POU6F1: variants seen among roughly 807,000 people sequenced by gnomAD.
POU6F1 encodes POU class 6 homeobox 1.
Under a neutral mutation model 28.9 loss-of-function variants are expected in POU6F1, and 9 were observed. The ratio of observed to expected loss-of-function variants is 0.31; its 90% CI spans 0.19 to 0.54. POU6F1 has a LOEUF of 0.54. Among genes scored for constraint, POU6F1 ranks in the 20% least tolerant of loss-of-function variants. The pLI, the probability that POU6F1 is intolerant of heterozygous loss-of-function variation, is 0.94. For synonymous variants in POU6F1, 173 were observed against 171.1 expected (o/e 1.01, Z -0.09); for missense variants, 338 against 426.1 (o/e 0.79, Z 1.82).
At chr12:51,204,744 C>T (rs1402415454) in intron 2 of POU6F1, among the ~76,000 whole-genome samples, 1 of 152,128 alleles carries the variant, frequency 6.6e-6, no homozygotes, top group African/African-American at 2.4e-5. Flanking sequence ...CTAGGATCTT[C>T]GAACGTGGGT....
intron 1 of POU6F1, among the ~76,000 whole-genome samples, chr12:51,210,380 A>G (rs1465856668): frequency 6.6e-6 from 1 of 152,238 alleles, no homozygotes; most frequent in Non-Finnish European, 1.5e-5. Flanking sequence ...ATAGCTTGAT[A>G]CATACATTTC....
chr12:51,212,776 CAAAAAAAAAAA>C (rs1176606531), intron 1 of POU6F1, among the ~76,000 whole-genome samples: 2 of 37,698 alleles, frequency 5.3e-5, no homozygotes, highest in Middle Eastern at 0.024. Flanking sequence ...AACTCCGTCT[CAAAAAAAAAAA>C]AAAAAAAAAA....
chr12:51,200,697 A>G (rs1943153913), intron 3 of POU6F1, among the ~76,000 whole-genome samples: 1 of 151,736 alleles, frequency 6.6e-6, no homozygotes, highest in Non-Finnish European at 1.5e-5. Context: ...TTTTAATTTA[A>G]TTTTTTTTGA....
intron 8 of POU6F1, among the ~76,000 whole-genome samples, chr12:51,193,856 A>C (rs1352431439): frequency 6.6e-6 from 1 of 152,214 alleles, no homozygotes; most frequent in East Asian, 1.9e-4. Context: ...GCTTTCTAGG[A>C]AGTACAGATT....
At chr12:51,208,439 T>C (rs1237384314) in intron 1 of POU6F1, among the ~76,000 whole-genome samples, 1 of 152,232 alleles carries the variant, frequency 6.6e-6, no homozygotes, top group Non-Finnish European at 1.5e-5. Flanking sequence ...GCTGTATTAC[T>C]CATGCCAACC....
rs747052350 is a variant in POU6F1 at position 51,190,487 on chromosome 12, G to T, written c.1596C>A (p.Asn532Lys). The change falls in exon 11 of 11, where the codon AAC (asparagine) becomes AAA (lysine). Residue 532 changes from asparagine to lysine, a missense_variant. Asn to Lys is a moderately conservative substitution (Grantham distance 94). This residue lies in a region of POU6F1 where 126 missense variants were observed against 176.5 expected (regional missense o/e 0.71). Coordinates refer to ENST00000333640, the MANE Select transcript of POU6F1 (RefSeq NM_001330422.2). The surrounding 1 kb of genome is among the most constrained non-coding windows in gnomAD (Gnocchi z 4.5). ...AELRNQEGQQ[N>K]LMEFVGGEPS... Reference sequence around the variant, plus strand: ...GCTCGCCTCCCACAAACTCCATCAGGTTCTGCTGGCCTTCCTGGTTCCGCA... The same window carrying T: ...GCTCGCCTCCCACAAACTCCATCAGTTTCTGCTGGCCTTCCTGGTTCCGCA... 1.2e-6 allele frequency: 2 copies of T among 1,614,154 alleles called. No individual in the cohort carries two copies. The highest frequency in any genetic ancestry group is 1.7e-6 in the Non-Finnish European group (2 of 1,180,022).
intron 1 of POU6F1, among the ~76,000 whole-genome samples, chr12:51,212,054 T>C (rs1432584421): frequency 2.0e-5 from 3 of 147,722 alleles, no homozygotes; most frequent in Admixed American, 7.0e-5. Context: ...TGAAATGCCT[T>C]GCCTTTCGTT....
intron 1 of POU6F1, among the ~76,000 whole-genome samples, chr12:51,210,412 T>C (rs560845491): frequency 6.6e-6 from 1 of 152,308 alleles, no homozygotes; most frequent in Non-Finnish European, 1.5e-5. Context: ...AATTTTCCAA[T>C]TCCAAAGGTC....
At chr12:51,196,250 C>T (rs1423927584) in intron 7 of POU6F1, 77 bp from the exon 8 acceptor site, 29 of 1,215,868 alleles carry the variant, frequency 2.4e-5, no homozygotes, top group Non-Finnish European at 3.1e-5. Context: ...CCCCACACCA[C>T]CAGGGGAACA....
At chr12:51,209,244 T>C (rs984863274) in intron 1 of POU6F1, among the ~76,000 whole-genome samples, 8 of 152,176 alleles carry the variant, frequency 5.3e-5, no homozygotes, top group African/African-American at 1.4e-4. Context: ...CCCAGAACAT[T>C]TTCATCAACC....
chr12:51,190,627 G>A lies in POU6F1; in HGVS notation c.1491-35C>T, dbSNP rs1418625783. The A allele has an allele frequency of 6.2e-7, 1 of 1,600,708 alleles. No individual in the cohort carries two copies. The highest frequency in any genetic ancestry group is 1.7e-5 in the Admixed American group (1 of 58,872). ...ACCCATACCCAGGAAGAGGCAGTGAGAGCATGTTGGTCTCTTTGGCACACC... is the reference window on the plus strand; with the variant it reads ...ACCCATACCCAGGAAGAGGCAGTGAAAGCATGTTGGTCTCTTTGGCACACC... On this transcript the variant is annotated intron_variant, in intron 10 of 10. Coordinates refer to ENST00000333640, the MANE Select transcript of POU6F1 (RefSeq NM_001330422.2). The surrounding 1 kb of genome is among the most constrained non-coding windows in gnomAD (Gnocchi z 4.5).
chr12:51,199,789 T>A lies in POU6F1; in HGVS notation c.324A>T (p.Ala108=). The part of the protein sequence containing the change: ...TFSQAPSQPQ[A]SQTLTPLAVQ... ...CAGCCAGTGGCGTCAGGGTCTGCGA[T>A]GCCTGAGGCTGGCTTGGGGCTTGGC... Residue 108 remains alanine (A), a synonymous_variant, in exon 4 of 11, where the codon GCA becomes GCT. Coordinates refer to ENST00000333640, the MANE Select transcript of POU6F1 (RefSeq NM_001330422.2). The surrounding 1 kb of genome is among the most constrained non-coding windows in gnomAD (Gnocchi z 4.1). 1 of 399,286 alleles carries A rather than the reference T, an allele frequency of 2.5e-6. No homozygotes were observed. Among genetic ancestry groups the A allele is most frequent in the Non-Finnish European group, 4.4e-6 (1 of 226,206 alleles). 24.7% of individuals were successfully genotyped at this position (399,286 alleles called of 1,614,324 possible). A position where few individuals can be genotyped will look rare whatever the true frequency, so the allele number is the denominator to read the frequency against.
chr12:51,190,167 G>C lies in POU6F1; in HGVS notation c.*80C>G. 6.5e-7 allele frequency: 1 copy of C among 1,535,744 alleles called. No homozygotes were observed. The highest frequency in any genetic ancestry group is 1.2e-5 in the South Asian group (1 of 80,576). ...CACAGCTGCACGTGGCAAAATGACA[G>C]GTGCTGTCATGGCAGTGGCTGCAGC... is the stretch of plus-strand genomic sequence containing the variant. On this transcript the variant is annotated 3_prime_UTR_variant, in exon 11 of 11. Transcript: ENST00000333640. The surrounding 1 kb of genome is among the most constrained non-coding windows in gnomAD (Gnocchi z 4.5).
chr12:51,188,734 G>C lies in POU6F1; in HGVS notation c.*1513C>G, dbSNP rs1942200004. The C allele has an allele frequency of 6.6e-6, 1 of 152,238 alleles. No homozygotes were observed. The highest frequency in any genetic ancestry group is 2.4e-5 in the African/African-American group (1 of 41,440). 9.4% of individuals were successfully genotyped at this position (152,238 alleles called of 1,614,324 possible). ...CCCCAGCTGACGGTCCTTCCCTCAG[G>C]GTGGATCATGGGAGGTCCACTGGAG... On this transcript the variant is annotated 3_prime_UTR_variant, in exon 11 of 11. Coordinates refer to ENST00000333640, the MANE Select transcript of POU6F1 (RefSeq NM_001330422.2).
At chr12:51,191,326 C>T (rs989517776) in intron 10 of POU6F1, among the ~76,000 whole-genome samples, 1 of 152,218 alleles carries the variant, frequency 6.6e-6, no homozygotes, top group African/African-American at 2.4e-5. Flanking sequence ...GCTAGAATTC[C>T]TCAGTGGATT....
Position 51,195,953 on chromosome 12 carries a change from C to G in POU6F1, c.1179+17G>C, listed in dbSNP as rs199722515. The G allele has an allele frequency of 4.2e-6, 6 of 1,419,818 alleles. No individual in the cohort carries two copies. Among genetic ancestry groups the G allele is most frequent in the African/African-American group, 2.9e-5 (2 of 68,814 alleles). 88.0% of individuals were successfully genotyped at this position (1,419,818 alleles called of 1,614,324 possible). A position where few individuals can be genotyped will look rare whatever the true frequency, so the allele number is the denominator to read the frequency against. Reference sequence around the variant, plus strand: ...AGCAGAGCCTGCCCCACCCCCCACCCCCCCCAGCCCCTGTACCTCACTCTT... The same window carrying G: ...AGCAGAGCCTGCCCCACCCCCCACCGCCCCCAGCCCCTGTACCTCACTCTT... On this transcript the variant is annotated intron_variant, in intron 8 of 10. Coordinates refer to ENST00000333640, the MANE Select transcript of POU6F1 (RefSeq NM_001330422.2).
chr12:51,197,393 T>C (rs540805628), intron 6 of POU6F1, among the ~76,000 whole-genome samples: 1 of 152,146 alleles, frequency 6.6e-6, no homozygotes, highest in Non-Finnish European at 1.5e-5. Flanking sequence ...CCTAGTCATA[T>C]CTAACGCCTC....
rs1348163696 is a variant in POU6F1 at position 51,189,631 on chromosome 12, G to A, written c.*616C>T. The A allele has an allele frequency of 6.5e-6, 1 of 153,164 alleles. No homozygotes were observed. The highest frequency in any genetic ancestry group is 1.5e-5 in the Non-Finnish European group (1 of 68,666). 9.5% of individuals were successfully genotyped at this position (153,164 alleles called of 1,614,324 possible). On this transcript the variant is annotated 3_prime_UTR_variant, in exon 11 of 11. Transcript: ENST00000333640. The stretch of plus-strand genomic sequence containing the variant: ...AGGAGATCCCATGTTCCAGCCCCAG[G>A]GGTTTGGGAACCTTCTGACCTTGAG...
intron 3 of POU6F1, among the ~76,000 whole-genome samples, chr12:51,203,552 T>G (rs573619430): frequency 1.2e-4 from 18 of 152,310 alleles, no homozygotes; most frequent in African/African-American, 4.3e-4. Flanking sequence ...ATTTGCATAC[T>G]GATGTGAAGG....
Sources: allele counts gnomAD v4.1 joint callset (sites outside exome capture counted in the v4.1 genomes callset), GRCh38; gene constraint gnomAD v4.1.1; regional missense constraint gnomAD v4.1.1; non-coding constraint Gnocchi (gnomAD v3.1); transcripts MANE v1.5; gene names NCBI Gene and HGNC (gene_info 2026-07-23, HGNC 2026-07-21).